CLSTN2: variants seen among roughly 807,000 people sequenced by gnomAD.
The protein encoded by CLSTN2 is calsyntenin-2.
Under a neutral mutation model 101.2 loss-of-function variants are expected in CLSTN2, and 48 were observed. The observed-to-expected ratio is 0.47, with a 90% CI of 0.38 to 0.60. The LOEUF (loss-of-function observed/expected upper bound fraction) is 0.60, where lower values mean the gene tolerates loss of function less well. CLSTN2 is among the 20% of genes least tolerant of loss of function. CLSTN2 has a pLI of 0.00. For missense variants in CLSTN2, 1,160 were observed against 1,238.2 expected, an observed-to-expected ratio of 0.94 and a Z score of 0.95; for synonymous variants, 481 against 463.6, an observed-to-expected ratio of 1.04 and a Z score of -0.48.
intron 2 of CLSTN2, among the ~76,000 whole-genome samples, chr3:140,259,338 G>A (rs914390554): frequency 6.6e-6 from 1 of 151,974 alleles, no homozygotes; most frequent in African/African-American, 2.4e-5. Context: ...GCCAGGTGTG[G>A]TGGCAGGCAC....
chr3:140,436,441 T>A (rs2088688310), intron 5 of CLSTN2, among the ~76,000 whole-genome samples: 1 of 152,262 alleles, frequency 6.6e-6, no homozygotes, highest in Non-Finnish European at 1.5e-5. Context: ...AGGTTTCCAA[T>A]GCAGACCATG....
At chr3:139,958,661 G>A (rs1450920476) in intron 1 of CLSTN2, among the ~76,000 whole-genome samples, 3 of 151,558 alleles carry the variant, frequency 2.0e-5, no homozygotes, top group Non-Finnish European at 4.4e-5. Flanking sequence ...CTAAGTGGTC[G>A]GTGTGTGATT....
intron 2 of CLSTN2, among the ~76,000 whole-genome samples, chr3:140,365,524 C>T (rs1187792380): frequency 6.6e-6 from 1 of 152,156 alleles, no homozygotes; most frequent in Admixed American, 6.5e-5. Context: ...AATAGTCCTT[C>T]CACAGGTTTC....
chr3:140,130,425 A>T (rs903044000), intron 1 of CLSTN2, among the ~76,000 whole-genome samples: 1 of 152,094 alleles, frequency 6.6e-6, no homozygotes, highest in African/African-American at 2.4e-5. Flanking sequence ...ATTCCGGGAA[A>T]CCCTCCTGGA....
chr3:140,532,597 T>A (rs1935280041), intron 9 of CLSTN2, 111 bp downstream of exon 9: 16 of 833,830 alleles, frequency 1.9e-5, no homozygotes, highest in Non-Finnish European at 2.6e-5. Context: ...GAAAAATTAC[T>A]ACCCCTTACA....
intron 2 of CLSTN2, among the ~76,000 whole-genome samples, chr3:140,298,920 G>A (rs569885121): frequency 5.3e-5 from 8 of 152,162 alleles, no homozygotes; most frequent in Non-Finnish European, 1.2e-4. Flanking sequence ...TCTGAGATCC[G>A]GGAATAGGCT....
At chr3:140,374,646 TTAAAAA>T (rs2087895674) in intron 2 of CLSTN2, among the ~76,000 whole-genome samples, 1 of 152,160 alleles carries the variant, frequency 6.6e-6, no homozygotes, top group African/African-American at 2.4e-5. Context: ...AGACCAAATT[TTAAAAA>T]TAGAGCTATC....
At chr3:140,405,235 T>A (rs1183051778) in intron 4 of CLSTN2, among the ~76,000 whole-genome samples, 1 of 150,954 alleles carries the variant, frequency 6.6e-6, no homozygotes, top group Non-Finnish European at 1.5e-5. Context: ...CATTCAGGAT[T>A]TTTTTTTTTG....
At chr3:140,159,704 C>T (rs1411158700) in intron 1 of CLSTN2, among the ~76,000 whole-genome samples, 1 of 152,088 alleles carries the variant, frequency 6.6e-6, no homozygotes, top group Non-Finnish European at 1.5e-5. Flanking sequence ...ACCAAAAAGA[C>T]ACACACTTGT....
At chr3:140,141,514 C>A (rs1560107419) in intron 1 of CLSTN2, among the ~76,000 whole-genome samples, 1 of 152,186 alleles carries the variant, frequency 6.6e-6, no homozygotes, top group Non-Finnish European at 1.5e-5. Flanking sequence ...GGAAAGCCAG[C>A]CTGTCTTAGG....
intron 2 of CLSTN2, among the ~76,000 whole-genome samples, chr3:140,268,246 G>T (rs984182473): frequency 6.6e-6 from 1 of 152,138 alleles, no homozygotes; most frequent in South Asian, 2.1e-4. Context: ...CCAGCAGAGG[G>T]CTGGGCCAGG....
At chr3:140,354,741 G>T (rs546130865) in intron 2 of CLSTN2, among the ~76,000 whole-genome samples, 1 of 152,282 alleles carries the variant, frequency 6.6e-6, no homozygotes, top group South Asian at 2.1e-4. Flanking sequence ...CATGAAAAAA[G>T]TAACTCCTTT....
At chr3:140,185,795 A>G (rs578163299) in intron 2 of CLSTN2, among the ~76,000 whole-genome samples, 3 of 152,256 alleles carry the variant, frequency 2.0e-5, no homozygotes, top group African/African-American at 7.2e-5. Context: ...GGAGGGGAGG[A>G]CAGTGGTCCC....
chr3:140,515,622 T>G (rs1934903476), intron 8 of CLSTN2, among the ~76,000 whole-genome samples: 1 of 152,142 alleles, frequency 6.6e-6, no homozygotes, highest in Non-Finnish European at 1.5e-5. Flanking sequence ...TTTCGTTGTT[T>G]ACCCAACAAG....
At chr3:140,051,564 G>A (rs1406188105) in intron 1 of CLSTN2, among the ~76,000 whole-genome samples, 1 of 152,152 alleles carries the variant, frequency 6.6e-6, no homozygotes, top group East Asian at 1.9e-4. Context: ...GCCAGGAGGA[G>A]GGATTATTCA....
chr3:140,397,534 G>A (rs1426696917), intron 2 of CLSTN2, among the ~76,000 whole-genome samples: 1 of 152,170 alleles, frequency 6.6e-6, no homozygotes. Context: ...CAGTTCTGGA[G>A]GCTGAGAAGT....
chr3:140,035,017 C>T lies in CLSTN2; in HGVS notation c.109+99534C>T, dbSNP rs2007627849. Among the ~76,000 whole-genome samples the T allele has an allele frequency of 3.9e-5, 6 of 152,122 alleles. No individual in the cohort carries two copies. The South Asian group carries it at 1.2e-3, about 31-fold the overall frequency. ...CCATTCTTGATGGCTCTCTTATGCC[C>T]CTAGCAGCCTTTATAGAAATTCCCG... On this transcript the variant is annotated intron_variant, in intron 1 of 16. Coordinates refer to ENST00000458420, the MANE Select transcript of CLSTN2 (RefSeq NM_022131.3).
At chr3:140,514,720 G>T (rs1934883378) in intron 8 of CLSTN2, among the ~76,000 whole-genome samples, 1 of 152,120 alleles carries the variant, frequency 6.6e-6, no homozygotes, top group Admixed American at 6.5e-5. Context: ...TTTCCATAGT[G>T]GTTGTACTAC....
At chr3:140,421,500 G>T (rs1475324036) in intron 5 of CLSTN2, among the ~76,000 whole-genome samples, 1 of 152,176 alleles carries the variant, frequency 6.6e-6, no homozygotes, top group East Asian at 1.9e-4. Context: ...TGCCCAGTTT[G>T]TCCAGTGCTC....
Sources: allele counts gnomAD v4.1 joint callset (sites outside exome capture counted in the v4.1 genomes callset), GRCh38; gene constraint gnomAD v4.1.1; transcripts MANE v1.5; gene names NCBI Gene and HGNC (gene_info 2026-07-23, HGNC 2026-07-21).